SLCO5A1: variants seen among roughly 807,000 people sequenced by gnomAD.
SLCO5A1 encodes solute carrier organic anion transporter family member 5A1.
In SLCO5A1, 39 loss-of-function variants were observed where a neutral mutation model predicts 65.1. That is an observed-to-expected ratio of 0.60 (90% CI 0.46 to 0.78). The LOEUF (loss-of-function observed/expected upper bound fraction) is 0.78. SLCO5A1 is among the 30% of genes least tolerant of loss of function. SLCO5A1 has a pLI of 0.00. For missense variants in SLCO5A1, 1,029 were observed against 1,069.4 expected (o/e 0.96, Z 0.53); for synonymous variants, 438 against 415.7 (o/e 1.05, Z -0.65).
chr8:69,715,180 G>A (rs941738238), intron 5 of SLCO5A1, among the ~76,000 whole-genome samples: 14 of 152,156 alleles, frequency 9.2e-5, no homozygotes, highest in African/African-American at 2.9e-4. Context: ...ATTTACTTCC[G>A]TTTTCCCTAG....
chr8:69,702,107 G>A (rs1295890610), intron 6 of SLCO5A1, among the ~76,000 whole-genome samples: 2 of 152,174 alleles, frequency 1.3e-5, no homozygotes, highest in African/African-American at 4.8e-5. Flanking sequence ...TAAGACTGCT[G>A]GGTTTTTGTT....
At chr8:69,802,273 T>C (rs553337300) in intron 2 of SLCO5A1, among the ~76,000 whole-genome samples, 57 of 151,752 alleles carry the variant, frequency 3.8e-4, no homozygotes, top group African/African-American at 1.3e-3. Context: ...GAGGCCGAGG[T>C]GGGAGGATCG....
chr8:69,826,939 C>A (rs1185159066), intron 2 of SLCO5A1, among the ~76,000 whole-genome samples: 2 of 152,060 alleles, frequency 1.3e-5, no homozygotes, highest in Non-Finnish European at 2.9e-5. Flanking sequence ...AAACGTGGCA[C>A]ATATACACCA....
In SLCO5A1 at chr8:69,673,191, G is replaced by C; in HGVS notation, c.2225C>G (p.Ala742Gly). 1.2e-6 allele frequency: 2 copies of C among 1,614,208 alleles called. No homozygotes were observed. ...TSFRFVYFGLAAGLKFVGFIF... is the reference protein window; with the variant it reads ...TSFRFVYFGLGAGLKFVGFIF... ...AAACCCAACGAATTTGAGGCCGGCA[G>C]CCAAACCAAAATACACAAAACGAAA... The change falls in exon 10 of 10, where the codon GCT becomes GGT. Residue 742 changes from alanine (A) to glycine (G), a missense_variant. Around this residue, in one of 3 missense-constraint regions of SLCO5A1, gnomAD observed 258 missense variants for 237.4 expected, o/e 1.09. Coordinates refer to ENST00000260126, the MANE Select transcript of SLCO5A1 (RefSeq NM_030958.3).
chr8:69,766,800 C>A (rs10110819), intron 2 of SLCO5A1, among the ~76,000 whole-genome samples: 1 of 152,064 alleles, frequency 6.6e-6, no homozygotes, highest in Admixed American at 6.5e-5. Context: ...ACATAAGCTC[C>A]TCAAGAGATG....
rs746004982 is a variant in SLCO5A1 at position 69,767,889 on chromosome 8, C to CAA, written c.908-6016_908-6015dup. Reference sequence around the variant, plus strand: ...TGGGTGACAGAATGAGACTCCATCTCAAAAAAAAAAAAAAAAAAAAAACAA... The same window carrying CAA: ...TGGGTGACAGAATGAGACTCCATCTCAAAAAAAAAAAAAAAAAAAAAAAACAA... On this transcript the variant is annotated intron_variant, in intron 2 of 9. Transcript: ENST00000260126. Among the ~76,000 whole-genome samples the CAA allele has an allele frequency of 7.4e-3, 247 of 33,576 alleles. 3 individuals are homozygous for CAA. Among genetic ancestry groups the CAA allele is most frequent in the East Asian group, 9.0e-3 (13 of 1,444 alleles). 22.0% of individuals were successfully genotyped at this position (33,576 alleles called of 152,430 possible).
chr8:69,700,634 G>A (rs1814693720), intron 6 of SLCO5A1: 1 of 151,916 alleles, frequency 6.6e-6, no homozygotes, highest in Non-Finnish European at 1.5e-5. Context: ...AGTAATAAAA[G>A]GAAGCTCCCA....
intron 6 of SLCO5A1, among the ~76,000 whole-genome samples, chr8:69,693,790 T>C (rs1224544893): frequency 6.6e-6 from 1 of 152,254 alleles, no homozygotes; most frequent in Non-Finnish European, 1.5e-5. Context: ...CACATCTTAA[T>C]GTTGAAGAAA....
At chr8:69,830,379 G>A (rs1396054411) in intron 2 of SLCO5A1, among the ~76,000 whole-genome samples, 1 of 152,090 alleles carries the variant, frequency 6.6e-6, no homozygotes, top group African/African-American at 2.4e-5. Flanking sequence ...TTTTTTAAGA[G>A]ATGGGGTCTC....
intron 1 of SLCO5A1, among the ~76,000 whole-genome samples, chr8:69,834,569 A>G (rs1821334934): frequency 6.6e-6 from 1 of 152,034 alleles, no homozygotes; most frequent in South Asian, 2.1e-4. Context: ...GGGGAATCCC[A>G]GCAAACTCTC....
intron 2 of SLCO5A1, among the ~76,000 whole-genome samples, chr8:69,829,426 G>A (rs147078862): frequency 7.2e-5 from 11 of 152,312 alleles, no homozygotes; most frequent in African/African-American, 2.6e-4. Context: ...GGCTAAAGTG[G>A]CTAACAGCCA....
chr8:69,821,310 G>C (rs1021066478), intron 2 of SLCO5A1, among the ~76,000 whole-genome samples: 1 of 152,016 alleles, frequency 6.6e-6, no homozygotes, highest in Non-Finnish European at 1.5e-5. Flanking sequence ...AGTGAGCTCA[G>C]ATCAGCCCAC....
chr8:69,713,944 AG>A (rs1187943597), intron 5 of SLCO5A1: 2 of 152,236 alleles, frequency 1.3e-5, no homozygotes, highest in African/African-American at 4.8e-5. Context: ...ATTTTCTTGT[AG>A]GAAATAAGTA....
intron 2 of SLCO5A1, among the ~76,000 whole-genome samples, chr8:69,803,436 G>A (rs1156367352): frequency 3.3e-5 from 5 of 151,850 alleles, no homozygotes; most frequent in East Asian, 3.9e-4. Context: ...AAATTAGCCC[G>A]GCATGGTGCC....
At chr8:69,693,214 C>T (rs1377470066) in intron 6 of SLCO5A1, among the ~76,000 whole-genome samples, 2 of 152,332 alleles carry the variant, frequency 1.3e-5, no homozygotes, top group African/African-American at 4.8e-5. Context: ...ATTCATCTGT[C>T]TATGGACATT....
At chr8:69,811,074 A>G (rs866056709) in intron 2 of SLCO5A1, among the ~76,000 whole-genome samples, 1 of 152,118 alleles carries the variant, frequency 6.6e-6, no homozygotes, top group African/African-American at 2.4e-5. Flanking sequence ...GCATGAGCCA[A>G]CGTCTCAGCA....
chr8:69,824,363 T>A (rs934634444), intron 2 of SLCO5A1, among the ~76,000 whole-genome samples: 3 of 151,808 alleles, frequency 2.0e-5, no homozygotes, highest in African/African-American at 7.3e-5. Context: ...AGATCAACAA[T>A]ATTGATAGAC....
At chr8:69,783,285 A>G (rs1818878419) in intron 2 of SLCO5A1, among the ~76,000 whole-genome samples, 1 of 152,080 alleles carries the variant, frequency 6.6e-6, no homozygotes, top group Non-Finnish European at 1.5e-5. Context: ...GTCAATAATA[A>G]CTTAATTGTA....
intron 2 of SLCO5A1, among the ~76,000 whole-genome samples, chr8:69,765,386 T>TTATATA (rs371210780): frequency 4.0e-5 from 6 of 149,138 alleles, no homozygotes; most frequent in Admixed American, 1.3e-4. Flanking sequence ...GTATGAGTAT[T>TTATATA]TATATATATA....
Sources: gnomAD v4.1 joint callset for allele counts (sites outside exome capture counted in the v4.1 genomes callset) on GRCh38, gnomAD v4.1.1 for gene constraint, gnomAD v4.1.1 regional missense constraint, MANE v1.5 for transcripts, NCBI Gene and HGNC (gene_info 2026-07-23, HGNC 2026-07-21) for gene names.